The following ANKEF1 variants were observed in gnomAD, a reference collection of about 807,000 sequenced individuals.
ANKEF1 encodes the protein ankyrin repeat and EF-hand domain-containing protein 1.
In ANKEF1, 43 loss-of-function variants were observed where a neutral mutation model predicts 65.1. The ratio of observed to expected loss-of-function variants is 0.66; its 90% CI spans 0.52 to 0.85. The LOEUF is 0.85. Among genes scored for constraint, ANKEF1 ranks in the 40% least tolerant of loss-of-function variants. The pLI is 0.00. For missense variants in ANKEF1, 934 were observed against 952.9 expected (o/e 0.98, Z 0.26); for synonymous variants, 316 against 341.5 (o/e 0.93, Z 0.82).
At chr20:10,036,778 G>A (rs1047097413) in intron 2 of ANKEF1, among the ~76,000 whole-genome samples, 2 of 152,152 alleles carry the variant, frequency 1.3e-5, no homozygotes, top group African/African-American at 4.8e-5. Flanking sequence ...GGAGGTGGAG[G>A]TTGCAGTGAG....
chr20:10,054,657 A>G, intron 10 of ANKEF1, 58 bp downstream of exon 10: 1 of 1,526,702 alleles, frequency 6.6e-7, no homozygotes, highest in Non-Finnish European at 8.8e-7. Flanking sequence ...TCATTTTTTC[A>G]AAAGCTTTTT....
intron 3 of ANKEF1, among the ~76,000 whole-genome samples, chr20:10,040,000 A>AT (rs1322056829): frequency 2.0e-5 from 3 of 152,192 alleles, no homozygotes; most frequent in Non-Finnish European, 2.9e-5. Context: ...AAAAGTGTAA[A>AT]TTTTTTTTAA....
intron 6 of ANKEF1, among the ~76,000 whole-genome samples, chr20:10,048,241 T>TG (rs1984633510): frequency 6.9e-6 from 1 of 143,920 alleles, no homozygotes; most frequent in African/African-American, 2.6e-5. Flanking sequence ...GTGTGTGTGT[T>TG]TGTGTAGTAA....
chr20:10,045,766 T>C (rs1984486865), intron 6 of ANKEF1, 69 bp downstream of exon 6: 1 of 1,560,786 alleles, frequency 6.4e-7, no homozygotes, highest in East Asian at 2.3e-5. Flanking sequence ...AAGCAGAGAA[T>C]TTGGGCCTAT....
intron 2 of ANKEF1, among the ~76,000 whole-genome samples, chr20:10,036,561 G>T (rs1039724170): frequency 6.6e-6 from 1 of 152,226 alleles, no homozygotes; most frequent in Admixed American, 6.5e-5. Flanking sequence ...GGCAAAGGAG[G>T]CCTGGCCCGG....
chr20:10,036,890 G>A (rs1983889880), intron 2 of ANKEF1, among the ~76,000 whole-genome samples: 1 of 152,096 alleles, frequency 6.6e-6, no homozygotes, highest in Non-Finnish European at 1.5e-5. Flanking sequence ...AGTGTGTGAG[G>A]ACAGAAAAGA....
At position 10,044,426 on chromosome 20, in the gene ANKEF1, A is replaced by G. The variant is rs555309678; in HGVS notation, c.579A>G (p.Ser193=). 5.4e-5 allele frequency: 87 copies of G among 1,614,120 alleles called. 1 individual carries two copies. In the South Asian group the frequency reaches 8.8e-4, roughly 16 times the overall value. ...STGRTALMEA[S]REGVVEIVRG... is the part of the protein sequence containing the mutation. ...GCCGCACAGCTTTAATGGAAGCGTC[A>G]AGAGAAGGGGTAGTGGAAATAGTTC... The change falls in exon 5 of 11, where the codon TCA becomes TCG. Residue 193 remains serine, a synonymous_variant. Coordinates refer to ENST00000378392, the MANE Select transcript of ANKEF1 (RefSeq NM_022096.6).
chr20:10,041,584 A>G (rs951322494), intron 3 of ANKEF1, among the ~76,000 whole-genome samples: 7 of 152,130 alleles, frequency 4.6e-5, no homozygotes, highest in Non-Finnish European at 8.8e-5. Context: ...GCTTTACATA[A>G]TATCTCAGTC....
intron 8 of ANKEF1, 23 bp downstream of exon 8, chr20:10,051,912 A>G (rs568851978): frequency 1.3e-6 from 2 of 1,546,674 alleles, no homozygotes; most frequent in East Asian, 4.5e-5. Flanking sequence ...ATTATTGATG[A>G]TTAGGGTTAG....
At chr20:10,042,643 C>A (rs1271961276) in intron 3 of ANKEF1, among the ~76,000 whole-genome samples, 1 of 152,198 alleles carries the variant, frequency 6.6e-6, no homozygotes, top group Non-Finnish European at 1.5e-5. Context: ...CACTTGGCAT[C>A]TAATTCACCT....
At chr20:10,042,668 C>T (rs1386442649) in intron 3 of ANKEF1, among the ~76,000 whole-genome samples, 7 of 152,152 alleles carry the variant, frequency 4.6e-5, no homozygotes, top group Non-Finnish European at 8.8e-5. Context: ...ACTGCTATAC[C>T]GACAGCCTGC....
Position 10,044,554 on chromosome 20 carries a change from A to G in ANKEF1, c.696+11A>G. ...GGAGGCTTTTTCGATGTAATAATCTATTCTTTGCTTTAAAATTTGTTGCTA... is the reference window on the plus strand; with the variant it reads ...GGAGGCTTTTTCGATGTAATAATCTGTTCTTTGCTTTAAAATTTGTTGCTA... On this transcript the variant is annotated intron_variant, in intron 5 of 10. Transcript: ENST00000378392. 1 of 1,611,108 alleles carries G rather than the reference A, an allele frequency of 6.2e-7. No homozygotes were observed. The highest frequency in any genetic ancestry group is 1.3e-5 in the African/African-American group (1 of 74,704).
rs1984780020 is a variant in ANKEF1, at chr20:10,050,305, G to A, written c.1643+93G>A. 1.2e-5 allele frequency: 12 copies of A among 999,378 alleles called. No homozygotes were observed. The South Asian group carries it at 1.9e-4, about 16-fold the overall frequency. 61.9% of individuals were successfully genotyped at this position (999,378 alleles called of 1,614,324 possible). On this transcript the variant is annotated intron_variant, in intron 7 of 10. Transcript: ENST00000378392. ...GACCGAATTTTAGTAATATAGAAAA[G>A]TGCTACTTTATTAAAGTCTATAATA...
chr20:10,043,113 T>A lies in ANKEF1; in HGVS notation c.347-9T>A, dbSNP rs369966784. On this transcript the variant is annotated splice_polypyrimidine_tract_variant and intron_variant, in intron 3 of 10. Transcript: ENST00000378392. ...TTAAATACTCTCTGGGGATTTTATT[T>A]CTCTGCAGGTGTTTTGTTTTACTGC... 6.2e-7 allele frequency: 1 copy of A among 1,613,010 alleles called. No individual in the cohort carries two copies. Among genetic ancestry groups the A allele is most frequent in the Admixed American group, 1.7e-5 (1 of 59,868 alleles).
At chr20:10,036,323 T>A (rs1456019014) in intron 2 of ANKEF1, among the ~76,000 whole-genome samples, 1 of 151,804 alleles carries the variant, frequency 6.6e-6, no homozygotes, top group Non-Finnish European at 1.5e-5. Context: ...TGATTCAGTC[T>A]AATCATTACC....
rs1303960852 is a variant in ANKEF1 at position 10,055,580 on chromosome 20, G to A, written c.2251G>A (p.Asp751Asn). The A allele has an allele frequency of 6.2e-7, 1 of 1,613,696 alleles. No individual in the cohort carries two copies. Among genetic ancestry groups the A allele is most frequent in the Admixed American group, 1.7e-5 (1 of 59,952 alleles). ...LRRERFTHEV[D>N]FDDFMMPFQK... ...GCGAGAGAGGTTTACACATGAGGTG[G>A]ACTTCGACGATTTTATGATGCCTTT... is the stretch of plus-strand genomic sequence containing the variant. Residue 751 changes from aspartate (D) to asparagine (N), a missense_variant, in exon 11 of 11, where the codon GAC (aspartate) becomes AAC (asparagine). By Grantham distance (23) the Asp-to-Asn change is conservative. Transcript: ENST00000378392.
At position 10,044,430 on chromosome 20, in the gene ANKEF1, G is replaced by C. The variant is rs1292843634; in HGVS notation, c.583G>C (p.Glu195Gln). ...GRTALMEASR[E>Q]GVVEIVRGIL... ...CACAGCTTTAATGGAAGCGTCAAGA[G>C]AAGGGGTAGTGGAAATAGTTCGAGG... Residue 195 changes from glutamate (E) to glutamine (Q), a missense_variant, in exon 5 of 11, where the codon GAA becomes CAA. Glu to Gln is a conservative substitution (Grantham distance 29). Coordinates refer to ENST00000378392, the MANE Select transcript of ANKEF1 (RefSeq NM_022096.6). 6.2e-7 allele frequency: 1 copy of C among 1,614,110 alleles called. No individual in the cohort carries two copies. Among genetic ancestry groups the C allele is most frequent in the Admixed American group, 1.7e-5 (1 of 60,024 alleles).
chr20:10,046,442 G>A (rs1984530691), intron 6 of ANKEF1, among the ~76,000 whole-genome samples: 1 of 151,932 alleles, frequency 6.6e-6, no homozygotes, highest in South Asian at 2.1e-4. Flanking sequence ...ATAATTTGGG[G>A]GAAAACATGA....
In ANKEF1 at chr20:10,045,501, G is replaced by T. The variant is rs537848064; in HGVS notation, c.697-73G>T. 19 of 1,492,432 alleles carry T rather than the reference G, an allele frequency of 1.3e-5. No individual in the cohort carries two copies. The African/African-American group carries it at 2.1e-4, about 16-fold the overall frequency. 92.4% of individuals were successfully genotyped at this position (1,492,432 alleles called of 1,614,324 possible). A position where few individuals can be genotyped will look rare whatever the true frequency, so the allele number is the denominator to read the frequency against. On this transcript the variant is annotated intron_variant, in intron 5 of 10. Transcript: ENST00000378392. ...AATTGATATTGTACTGGATAGTGCC[G>T]GTCTAGCTGTCAGTCTTTATATAGT...
Sources: gnomAD v4.1 joint callset for allele counts (sites outside exome capture counted in the v4.1 genomes callset) on GRCh38, gnomAD v4.1.1 for gene constraint, MANE v1.5 for transcripts, NCBI Gene and HGNC (gene_info 2026-07-23, HGNC 2026-07-21) for gene names.